Variants in ALMS1 observed in about 807,000 individuals in gnomAD.
ALMS1 encodes the protein ALMS1 centrosome and basal body associated protein.
A neutral mutation model predicts 352.2 loss-of-function variants in ALMS1; 271 were observed. That is an observed-to-expected ratio of 0.77 (90% confidence interval 0.70 to 0.85). The LOEUF is 0.85. Among genes scored for constraint, ALMS1 ranks in the 40% least tolerant of loss-of-function variants. ALMS1 has a pLI of 0.00. For synonymous variants in ALMS1, 1,865 were observed against 1,761.2 expected (o/e 1.06, Z -1.48); for missense variants, 5,445 against 4,870.7 (o/e 1.12, Z -3.51).
intron 12 of ALMS1, among the ~76,000 whole-genome samples, chr2:73,539,579 G>A (rs898646878): frequency 6.6e-6 from 1 of 152,216 alleles, no homozygotes; most frequent in Non-Finnish European, 1.5e-5. Flanking sequence ...ACTACTCCGA[G>A]CTAAAGGAGG....
Position 73,490,436 on chromosome 2 carries a change from C to G in ALMS1, c.8477C>G (p.Thr2826Ser), listed in dbSNP as rs758158151. Reference protein sequence around the residue: ...DFTGSHSEPSTRANCSNFKEI... With the variant: ...DFTGSHSEPSSRANCSNFKEI... The stretch of plus-strand genomic sequence containing the variant: ...ACAGGCAGTCATTCTGAGCCCAGTA[C>G]CAGGGCAAATTGTAGCAATTTCAAG... The change falls in exon 10 of 23, where the codon ACC (threonine) becomes AGC (serine). Residue 2826 changes from threonine (T) to serine (S), a missense_variant. By Grantham distance (58) the Thr-to-Ser change is moderately conservative. Transcript: ENST00000613296. The G allele has an allele frequency of 2.5e-6, 4 of 1,614,126 alleles. No homozygotes were observed. The South Asian group carries it at 4.4e-5, about 18-fold the overall frequency.
At chr2:73,537,687 G>A (rs943462527) in intron 12 of ALMS1, among the ~76,000 whole-genome samples, 3 of 152,148 alleles carry the variant, frequency 2.0e-5, no homozygotes, top group South Asian at 2.1e-4. Context: ...GTAGAATCTG[G>A]TTTCCAGAGT....
At chr2:73,567,608 A>G (rs1203097081) in intron 15 of ALMS1, among the ~76,000 whole-genome samples, 3 of 152,256 alleles carry the variant, frequency 2.0e-5, no homozygotes, top group East Asian at 1.9e-4. Context: ...CACTTACTCT[A>G]TGATAAAGGT....
intron 10 of ALMS1, among the ~76,000 whole-genome samples, chr2:73,510,404 C>T (rs530313572): frequency 2.0e-5 from 3 of 152,146 alleles, no homozygotes; most frequent in South Asian, 4.2e-4. Context: ...TTTGCGTGGT[C>T]GTTCTTTTTG....
At position 73,600,703 on chromosome 2, in the gene ALMS1, CA is replaced by C. The variant is rs1553421626; in HGVS notation, c.11700del (p.Lys3900AsnfsTer8). 6 of 1,613,846 alleles carry C rather than the reference CA, an allele frequency of 3.7e-6. No individual in the cohort carries two copies. Among genetic ancestry groups the C allele is most frequent in the Non-Finnish European group, 5.1e-6 (6 of 1,179,904 alleles). ...AGNLEIVNGA[K>X]KHTRDVGITF... ...GTAACTTGGAGATTGTGAACGGTGC[CA>C]AAAAACACACTCGAGATGTTGGGAT... On this transcript the variant is annotated frameshift_variant, in exon 18 of 23. Coordinates refer to ENST00000613296, the MANE Select transcript of ALMS1 (RefSeq NM_001378454.1). LOFTEE classifies it high-confidence loss of function.
At chr2:73,605,369 G>C (rs1342131729) in intron 21 of ALMS1, among the ~76,000 whole-genome samples, 1 of 152,156 alleles carries the variant, frequency 6.6e-6, no homozygotes, top group African/African-American at 2.4e-5. Context: ...GTCAACATTT[G>C]GAAGATCTGC....
intron 12 of ALMS1, among the ~76,000 whole-genome samples, chr2:73,545,944 G>T (rs1479111787): frequency 6.6e-6 from 1 of 152,064 alleles, no homozygotes; most frequent in African/African-American, 2.4e-5. Context: ...TTGCTTATTT[G>T]GGTATGATTC....
intron 1 of ALMS1, among the ~76,000 whole-genome samples, chr2:73,406,873 T>G (rs1852645): frequency 6.6e-6 from 1 of 152,074 alleles, no homozygotes; most frequent in Non-Finnish European, 1.5e-5. Flanking sequence ...GTGATCCACT[T>G]GCCTTGCCTC....
rs758379924 is a variant in ALMS1, at chr2:73,453,139, G to T, written c.6612G>T (p.Arg2204Ser). ...NHKLVSEHVQ[R>S]LIDNLNSSDS... Reference sequence around the variant, plus strand: ...AGCTTGTTTCAGAACATGTCCAAAGGCTAATAGATAATTTGAATTCTTCTG... The same window carrying T: ...AGCTTGTTTCAGAACATGTCCAAAGTCTAATAGATAATTTGAATTCTTCTG... The change falls in exon 8 of 23, where the codon AGG becomes AGT. Residue 2204 changes from arginine (R) to serine (S), a missense_variant. Coordinates refer to ENST00000613296, the MANE Select transcript of ALMS1 (RefSeq NM_001378454.1). 3 of 1,613,850 alleles carry T rather than the reference G, an allele frequency of 1.9e-6. No individual in the cohort carries two copies. Among genetic ancestry groups the T allele is most frequent in the Non-Finnish European group, 2.5e-6 (3 of 1,179,972 alleles).
intron 6 of ALMS1, among the ~76,000 whole-genome samples, chr2:73,430,939 A>T: frequency 6.6e-6 from 1 of 152,118 alleles, no homozygotes; most frequent in East Asian, 1.9e-4. Flanking sequence ...GTGTATATAT[A>T]TAGCCTGTAC....
intron 1 of ALMS1, among the ~76,000 whole-genome samples, chr2:73,395,481 A>G (rs971227041): frequency 3.9e-5 from 6 of 152,148 alleles, no homozygotes; most frequent in African/African-American, 1.2e-4. Flanking sequence ...TTAAATTTCA[A>G]TAATGTTTTA....
intron 3 of ALMS1, among the ~76,000 whole-genome samples, chr2:73,421,659 A>G (rs1173613404): frequency 6.6e-6 from 1 of 152,184 alleles, no homozygotes; most frequent in Non-Finnish European, 1.5e-5. Context: ...AAGTAGACAC[A>G]GTTGACAATT....
chr2:73,471,493 CA>C (rs58688820), intron 9 of ALMS1, among the ~76,000 whole-genome samples: 2,901 of 113,606 alleles, frequency 0.026, 107 homozygotes, highest in African/African-American at 0.092. Context: ...ACTCAACAGC[CA>C]AAAAAAAAAA....
chr2:73,547,464 CTTCT>C (rs1303952601), intron 12 of ALMS1, among the ~76,000 whole-genome samples: 3 of 152,218 alleles, frequency 2.0e-5, no homozygotes, highest in Non-Finnish European at 2.9e-5. Context: ...TGGAACTTTC[CTTCT>C]TTCTTAAAGT....
intron 15 of ALMS1, among the ~76,000 whole-genome samples, chr2:73,563,479 T>G (rs1187368513): frequency 6.6e-6 from 1 of 151,808 alleles, no homozygotes; most frequent in Non-Finnish European, 1.5e-5. Flanking sequence ...TTCCAACACT[T>G]TGGGAGGCTG....
At position 73,559,133 on chromosome 2, in the gene ALMS1, A is replaced by C. The variant is rs773439063; in HGVS notation, c.10375A>C (p.Asn3459His). The C allele has an allele frequency of 1.9e-6, 3 of 1,613,340 alleles. No homozygotes were observed. The highest frequency in any genetic ancestry group is 2.5e-6 in the Non-Finnish European group (3 of 1,179,710). Reference sequence around the variant, plus strand: ...AAACAATAAAGAATCCCTACAGATCAATATTGAAGGTAATGGGATTGGGTT... The same window carrying C: ...AAACAATAAAGAATCCCTACAGATCCATATTGAAGGTAATGGGATTGGGTT... ...WPNNKESLQINIEESECHSEF... is the reference protein window; with the variant it reads ...WPNNKESLQIHIEESECHSEF... Residue 3459 changes from asparagine (N) to histidine (H), a missense_variant, in exon 15 of 23, where the codon AAT (asparagine) becomes CAT (histidine). Transcript: ENST00000613296.
chr2:73,464,237 CT>C (rs1010948462), intron 9 of ALMS1, among the ~76,000 whole-genome samples: 7 of 152,278 alleles, frequency 4.6e-5, no homozygotes, highest in African/African-American at 1.7e-4. Flanking sequence ...CATCAAAAAG[CT>C]TATCCACCAT....
At chr2:73,514,634 A>G (rs1176681002) in intron 10 of ALMS1, among the ~76,000 whole-genome samples, 2 of 152,218 alleles carry the variant, frequency 1.3e-5, no homozygotes, top group East Asian at 3.8e-4. Context: ...GTACATGTAT[A>G]TATTTACATA....
At chr2:73,407,702 T>C (rs1468847025) in intron 1 of ALMS1, among the ~76,000 whole-genome samples, 1 of 152,078 alleles carries the variant, frequency 6.6e-6, no homozygotes, top group Non-Finnish European at 1.5e-5. Context: ...CTTTTACAGG[T>C]GCATGCCATC....
Sources: gnomAD v4.1 joint callset for allele counts (sites outside exome capture counted in the v4.1 genomes callset) on GRCh38, gnomAD v4.1.1 for gene constraint, MANE v1.5 for transcripts, NCBI Gene and HGNC (gene_info 2026-07-23, HGNC 2026-07-21) for gene names.